The following GDAP2 variants were observed in gnomAD, a reference collection of about 807,000 sequenced individuals.
The protein encoded by GDAP2 is ganglioside-induced differentiation-associated protein 2.
In GDAP2, 51 loss-of-function variants were observed where a neutral mutation model predicts 67.0. The ratio of observed to expected loss-of-function variants is 0.76; its 90% confidence interval spans 0.61 to 0.96. The LOEUF is 0.96. Among genes scored for constraint, GDAP2 ranks in the 40% least tolerant of loss-of-function variants. The pLI, the probability that GDAP2 is intolerant of heterozygous loss-of-function variation, is 0.00. For missense variants in GDAP2, 547 were observed against 588.3 expected, an observed-to-expected ratio of 0.93 and a Z score of 0.73; for synonymous variants, 203 against 207.3, an observed-to-expected ratio of 0.98 and a Z score of 0.18.
rs746599798 is a variant in GDAP2, at chr1:117,881,877, C to G, written c.1248G>C (p.Lys416Asn). Residue 416 changes from lysine (K) to asparagine (N), a missense_variant and splice_region_variant, in exon 12 of 14, where the codon AAG becomes AAC. By Grantham distance (94) the Lys-to-Asn change is moderately conservative (BLOSUM62 0). Coordinates refer to ENST00000369443, the MANE Select transcript of GDAP2 (RefSeq NM_017686.4). Reference protein sequence around the residue: ...LKKLYDVVDVKYKRNLKAVYF... With the variant: ...LKKLYDVVDVNYKRNLKAVYF... The stretch of plus-strand genomic sequence containing the variant: ...AAACAGCCTTCAAATTCCTCTTGTA[C>G]CTGATCCAAAAATAAAATGACAAAA... The G allele has an allele frequency of 6.5e-7, 1 of 1,544,320 alleles. No individual in the cohort carries two copies. Among genetic ancestry groups the G allele is most frequent in the Non-Finnish European group, 9.0e-7 (1 of 1,116,778 alleles).
chr1:117,872,659 G>A (rs949611306), intron 13 of GDAP2, among the ~76,000 whole-genome samples: 14 of 151,360 alleles, frequency 9.2e-5, no homozygotes, highest in African/African-American at 3.4e-4. Flanking sequence ...ATGGACACAG[G>A]GAGGGGAACA....
rs148394167 is a variant in GDAP2 at position 117,920,484 on chromosome 1, T to C, written c.-67-60A>G. The C allele has an allele frequency of 5.9e-4, 341 of 575,144 alleles. 1 individual carries two copies. The highest frequency in any genetic ancestry group is 2.2e-3 in the Middle Eastern group (8 of 3,716). The allele number at this position is 575,144 out of a possible 1,614,324, so 35.6% of individuals were successfully genotyped here. On this transcript the variant is annotated intron_variant, in intron 1 of 13. Transcript: ENST00000369443. ...AAGCACAGATATTACTTGAATTCTA[T>C]TAAAGCAGTAAACAAAATTCCACTG... is the stretch of plus-strand genomic sequence containing the variant.
At chr1:117,926,197 C>T (rs1006457793) in intron 1 of GDAP2, among the ~76,000 whole-genome samples, 18 of 152,178 alleles carry the variant, frequency 1.2e-4, no homozygotes, top group South Asian at 8.3e-4. Flanking sequence ...GTTTTGCTTC[C>T]GCTCTACAGC....
At chr1:117,872,370 A>G (rs1353480228) in intron 13 of GDAP2, among the ~76,000 whole-genome samples, 2 of 152,170 alleles carry the variant, frequency 1.3e-5, no homozygotes, top group East Asian at 3.9e-4. Context: ...AAACCATTCT[A>G]TTATAAAGAT....
chr1:117,920,054 T>C (rs1053410009), intron 2 of GDAP2, 128 bp downstream of exon 2: 5 of 540,676 alleles, frequency 9.2e-6, no homozygotes, highest in Non-Finnish European at 1.7e-5. Context: ...ATGTCAATTA[T>C]ACCTCAATAA....
At position 117,918,723 on chromosome 1, in the gene GDAP2, C is replaced by T. The variant is rs769507404; in HGVS notation, c.190G>A (p.Ala64Thr). Residue 64 changes from alanine to threonine, a missense_variant, in exon 3 of 14, where the codon GCA (alanine) becomes ACA (threonine). By Grantham distance (58) the Ala-to-Thr change is moderately conservative (BLOSUM62 0). Coordinates refer to ENST00000369443, the MANE Select transcript of GDAP2 (RefSeq NM_017686.4). The stretch of plus-strand genomic sequence containing the variant: ...ACAATGGCTGTACAGTTCAGTAATG[C>T]CACATCTCCTTTCCTGAAGAAACAA... ...GKVVLWKGDV[A>T]LLNCTAIVNT... is the part of the protein sequence containing the mutation. 3.7e-6 allele frequency: 6 copies of T among 1,602,304 alleles called. No homozygotes were observed. Among genetic ancestry groups the T allele is most frequent in the Non-Finnish European group, 5.1e-6 (6 of 1,170,308 alleles).
chr1:117,899,250 T>C (rs753652087), intron 6 of GDAP2, 34 bp from the exon 7 acceptor site: 15 of 1,534,736 alleles, frequency 9.8e-6, no homozygotes, highest in Admixed American at 5.0e-5. Context: ...CTGTGAAAAA[T>C]AGAACAAAAC....
intron 11 of GDAP2, 62 bp from the exon 12 acceptor site, chr1:117,881,939 A>G (rs1339926588): frequency 3.6e-6 from 3 of 825,028 alleles, no homozygotes; most frequent in African/African-American, 3.4e-5. Context: ...ACCAATTACT[A>G]TTATAGACTA....
intron 7 of GDAP2, among the ~76,000 whole-genome samples, chr1:117,898,173 G>T (rs1649326260): frequency 2.6e-5 from 4 of 152,230 alleles, no homozygotes; most frequent in African/African-American, 9.6e-5. Flanking sequence ...CACACTAAAT[G>T]CATTTTATGA....
At chr1:117,883,659 T>A (rs769362231) in intron 10 of GDAP2, 32 bp from the exon 11 acceptor site, 3 of 1,545,166 alleles carry the variant, frequency 1.9e-6, no homozygotes, top group Non-Finnish European at 2.7e-6. Context: ...AAGGTGAAGA[T>A]CATTTTGAAC....
At chr1:117,906,022 A>G (rs111976193) in intron 6 of GDAP2, among the ~76,000 whole-genome samples, 2,077 of 152,356 alleles carry the variant, frequency 0.014, 38 homozygotes, top group South Asian at 0.093. Flanking sequence ...GTGTAATGAG[A>G]TAAGAATAAA....
At chr1:117,924,043 A>G (rs1228875114) in intron 1 of GDAP2, among the ~76,000 whole-genome samples, 1 of 152,226 alleles carries the variant, frequency 6.6e-6, no homozygotes, top group Non-Finnish European at 1.5e-5. Flanking sequence ...TCTTGTTAGT[A>G]GTCAGTTCTG....
intron 8 of GDAP2, among the ~76,000 whole-genome samples, chr1:117,894,285 G>A (rs1340435981): frequency 1.3e-5 from 2 of 152,052 alleles, no homozygotes; most frequent in African/African-American, 4.8e-5. Flanking sequence ...GAGCCACCAT[G>A]TCTGGCCAAT....
chr1:117,877,091 CCA>C (rs1266858865), intron 13 of GDAP2: 1 of 156,058 alleles, frequency 6.4e-6, no homozygotes, highest in African/African-American at 2.4e-5. Context: ...TCCAGCTGCT[CCA>C]GTTACAAATC....
chr1:117,894,288 T>C (rs1450159018), intron 8 of GDAP2, among the ~76,000 whole-genome samples: 1 of 152,136 alleles, frequency 6.6e-6, no homozygotes, highest in East Asian at 1.9e-4. Flanking sequence ...CCACCATGTC[T>C]GGCCAATTTT....
chr1:117,895,745 A>G (rs1159024348), intron 8 of GDAP2, among the ~76,000 whole-genome samples: 3 of 152,206 alleles, frequency 2.0e-5, no homozygotes, highest in African/African-American at 7.2e-5. Context: ...TCAAATTAAA[A>G]TCAGAATAAA....
At chr1:117,924,687 A>C (rs897540473) in intron 1 of GDAP2, among the ~76,000 whole-genome samples, 1 of 152,242 alleles carries the variant, frequency 6.6e-6, no homozygotes, top group Non-Finnish European at 1.5e-5. Context: ...CTTGTAGGTT[A>C]AACAATGATA....
At chr1:117,907,314 C>T (rs1001360705) in intron 5 of GDAP2, among the ~76,000 whole-genome samples, 6 of 152,148 alleles carry the variant, frequency 3.9e-5, no homozygotes, top group Admixed American at 2.0e-4. Context: ...CCTTAGCTCA[C>T]TGATGTGCTG....
chr1:117,919,774 T>C (rs139029924), intron 2 of GDAP2, among the ~76,000 whole-genome samples: 1 of 152,212 alleles, frequency 6.6e-6, no homozygotes, highest in Non-Finnish European at 1.5e-5. Context: ...CTTAAATCCA[T>C]CATTCTGCTG....
Sources: gnomAD v4.1 joint callset for allele counts (sites outside exome capture counted in the v4.1 genomes callset) on GRCh38, gnomAD v4.1.1 for gene constraint, MANE v1.5 for transcripts, NCBI Gene and HGNC (gene_info 2026-07-23, HGNC 2026-07-21) for gene names.